PDE4D: variants seen among roughly 807,000 people sequenced by gnomAD.
The protein encoded by PDE4D is 3',5'-cyclic-AMP phosphodiesterase 4D.
A neutral mutation model predicts 87.4 loss-of-function variants in PDE4D; 24 were observed. The observed-to-expected ratio is 0.27, with a 90% CI of 0.20 to 0.39. The LOEUF is 0.39. Among genes scored for constraint, PDE4D ranks in the 10% least tolerant of loss-of-function variants. The pLI is 1.00. For missense variants in PDE4D, 714 were observed against 1,041.0 expected (o/e 0.69, Z 4.32); for synonymous variants, 384 against 383.2 (o/e 1.00, Z -0.02).
At chr5:60,431,928 T>C (rs1744357134) in intron 1 of PDE4D, among the ~76,000 whole-genome samples, 1 of 152,116 alleles carries the variant, frequency 6.6e-6, no homozygotes, top group African/African-American at 2.4e-5. Context: ...CGAAAACCTG[T>C]CAGGTGTGGC....
chr5:59,145,988 G>A (rs888329765), intron 5 of PDE4D, among the ~76,000 whole-genome samples: 10 of 152,170 alleles, frequency 6.6e-5, no homozygotes, highest in Middle Eastern at 3.4e-3. Flanking sequence ...TTAGCTGGGC[G>A]TGATGACATA....
At chr5:60,115,825 T>C (rs1778125957) in intron 2 of PDE4D, among the ~76,000 whole-genome samples, 1 of 152,238 alleles carries the variant, frequency 6.6e-6, no homozygotes, top group African/African-American at 2.4e-5. Flanking sequence ...AAAGAATATG[T>C]TTCTTCTTAG....
intron 1 of PDE4D, among the ~76,000 whole-genome samples, chr5:60,370,010 A>AT (rs998829640): frequency 2.0e-5 from 3 of 151,884 alleles, no homozygotes; most frequent in African/African-American, 2.4e-5. Context: ...CATTAGTTTC[A>AT]TTTTTTTTCA....
intron 1 of PDE4D, among the ~76,000 whole-genome samples, chr5:59,778,522 C>A (rs1434750953): frequency 6.6e-6 from 1 of 152,178 alleles, no homozygotes; most frequent in African/African-American, 2.4e-5. Context: ...AGGCTAATAA[C>A]CACCATTTAT....
chr5:60,364,832 A>G (rs1431541409), intron 1 of PDE4D, among the ~76,000 whole-genome samples: 1 of 152,228 alleles, frequency 6.6e-6, no homozygotes, highest in Non-Finnish European at 1.5e-5. Context: ...ACCAAAATAT[A>G]CAGATTACCT....
At chr5:59,209,135 C>T (rs1265365388) in intron 2 of PDE4D, among the ~76,000 whole-genome samples, 1 of 152,038 alleles carries the variant, frequency 6.6e-6, no homozygotes, top group Non-Finnish European at 1.5e-5. Flanking sequence ...TTTTTTAACT[C>T]CTAACAAAAT....
At chr5:59,583,957 CT>C (rs1405476223) in intron 1 of PDE4D, among the ~76,000 whole-genome samples, 1 of 152,198 alleles carries the variant, frequency 6.6e-6, no homozygotes, top group Non-Finnish European at 1.5e-5. Flanking sequence ...GCACATATGT[CT>C]TTTACAATGT....
At chr5:59,425,450 C>T (rs1252752661) in intron 1 of PDE4D, among the ~76,000 whole-genome samples, 1 of 152,126 alleles carries the variant, frequency 6.6e-6, no homozygotes, top group African/African-American at 2.4e-5. Context: ...AAATCATCAG[C>T]TACTTCCCAC....
chr5:59,245,714 C>T (rs920113090), intron 1 of PDE4D, among the ~76,000 whole-genome samples: 7 of 152,046 alleles, frequency 4.6e-5, no homozygotes, highest in African/African-American at 9.7e-5. Flanking sequence ...CCAGGAGCTT[C>T]GTGCCTTTGG....
At chr5:59,577,867 C>A (rs1823433494) in intron 1 of PDE4D, among the ~76,000 whole-genome samples, 1 of 152,086 alleles carries the variant, frequency 6.6e-6, no homozygotes, top group Non-Finnish European at 1.5e-5. Flanking sequence ...TTTTATTTGT[C>A]ATTTTCTCCT....
At chr5:59,485,325 G>A (rs1804939528) in intron 1 of PDE4D, among the ~76,000 whole-genome samples, 2 of 151,920 alleles carry the variant, frequency 1.3e-5, no homozygotes, top group African/African-American at 2.4e-5. Flanking sequence ...TTCACTGTAC[G>A]CCACCGTTAT....
rs548539556 is a variant in PDE4D, at chr5:59,761,490, T to C, written c.455+131678A>G. On this transcript the variant is annotated intron_variant, in intron 1 of 14. Transcript: ENST00000340635. Reference sequence around the variant, plus strand: ...CACTTAACTTGAAACACTAACATTATACAGCTGCACAAAAATATTTTCTCT... The same window carrying C: ...CACTTAACTTGAAACACTAACATTACACAGCTGCACAAAAATATTTTCTCT... Among the ~76,000 whole-genome samples, 6 of 152,270 alleles carry C rather than the reference T, an allele frequency of 3.9e-5. No homozygotes were observed. The East Asian group carries it at 7.7e-4, about 20-fold the overall frequency.
At chr5:60,314,511 G>A (rs1309239883) in intron 1 of PDE4D, among the ~76,000 whole-genome samples, 1 of 152,020 alleles carries the variant, frequency 6.6e-6, no homozygotes, top group Non-Finnish European at 1.5e-5. Flanking sequence ...TATACTTTAA[G>A]TTTTAGGGTA....
chr5:60,412,874 A>G (rs57558762), intron 1 of PDE4D, among the ~76,000 whole-genome samples: 2,969 of 152,258 alleles, frequency 0.019, 109 homozygotes, highest in African/African-American at 0.068. Flanking sequence ...TCCTTAAGGT[A>G]GGTTTTAATC....
At chr5:59,941,631 C>T (rs925907162) in intron 3 of PDE4D, among the ~76,000 whole-genome samples, 1 of 152,224 alleles carries the variant, frequency 6.6e-6, no homozygotes, top group African/African-American at 2.4e-5. Context: ...CCCGCCACCA[C>T]CAGGCAAAAT....
intron 1 of PDE4D, among the ~76,000 whole-genome samples, chr5:59,317,257 G>A (rs1773924316): frequency 1.3e-5 from 2 of 152,294 alleles, no homozygotes; most frequent in Admixed American, 6.5e-5. Context: ...AGAAGGCCAC[G>A]TGCTGGCCCT....
chr5:59,753,345 C>T (rs1405802483), intron 1 of PDE4D, among the ~76,000 whole-genome samples: 3 of 151,950 alleles, frequency 2.0e-5, no homozygotes, highest in Non-Finnish European at 4.4e-5. Flanking sequence ...AGAAGGAGGG[C>T]AAGGCAGAAG....
At chr5:59,341,228 G>A (rs1325416969) in intron 1 of PDE4D, among the ~76,000 whole-genome samples, 2 of 152,106 alleles carry the variant, frequency 1.3e-5, no homozygotes, top group East Asian at 3.9e-4. Flanking sequence ...GGTACAATGT[G>A]TTTATCAGTT....
intron 5 of PDE4D, among the ~76,000 whole-genome samples, chr5:59,143,005 A>T (rs1778124758): frequency 6.6e-6 from 1 of 152,212 alleles, no homozygotes; most frequent in Non-Finnish European, 1.5e-5. Context: ...ATGAAAAATA[A>T]CTGTATTTTT....
Sources: allele counts gnomAD v4.1 joint callset (sites outside exome capture counted in the v4.1 genomes callset), GRCh38; gene constraint gnomAD v4.1.1; transcripts MANE v1.5; gene names NCBI Gene and HGNC (gene_info 2026-07-23, HGNC 2026-07-21).